Variants in TLR6 observed in about 807,000 individuals in gnomAD.
The protein encoded by TLR6 is toll-like receptor 6.
A neutral mutation model predicts 16.1 loss-of-function variants in TLR6; 9 were observed. That is an observed-to-expected ratio of 0.56 (90% CI 0.34 to 0.98). TLR6 has a LOEUF of 0.98. TLR6 is among the 50% of genes least tolerant of loss of function. The pLI, the probability that TLR6 is intolerant of heterozygous loss-of-function variation, is 0.02. For missense variants in TLR6, 786 were observed against 921.0 expected (o/e 0.85, Z 1.90); for synonymous variants, 340 against 338.6 (o/e 1.00, Z -0.04).
chr4:38,857,881 A>T (rs1713054929), upstream of TLR6, among the ~76,000 whole-genome samples: 1 of 152,348 alleles, frequency 6.6e-6, no homozygotes, highest in South Asian at 2.1e-4. Flanking sequence ...AGAAAGCAGC[A>T]GGTATCTGTG....
intron 1 of TLR6, among the ~76,000 whole-genome samples, chr4:38,837,179 C>T (rs1711971857): frequency 6.6e-6 from 1 of 151,984 alleles, no homozygotes; most frequent in South Asian, 2.1e-4. Context: ...TCTACAGATC[C>T]AATGCAATCC....
intron 1 of TLR6, among the ~76,000 whole-genome samples, chr4:38,845,111 T>C (rs1175779773): frequency 6.6e-6 from 1 of 152,234 alleles, no homozygotes; most frequent in East Asian, 1.9e-4. Context: ...GTGTTCCAGC[T>C]TCCTCTTCTT....
chr4:38,840,895 C>G (rs971574445), intron 1 of TLR6, among the ~76,000 whole-genome samples: 1 of 152,146 alleles, frequency 6.6e-6, no homozygotes, highest in Non-Finnish European at 1.5e-5. Flanking sequence ...CTGAGGAGAA[C>G]AGTGCCCTGA....
the TLR6 span, among the ~76,000 whole-genome samples, chr4:38,864,145 T>G: frequency 2.6e-5 from 4 of 152,232 alleles, no homozygotes; most frequent in Admixed American, 2.6e-4. Flanking sequence ...TTGACCACAG[T>G]TGGTCCTACC....
At chr4:38,868,020 C>A in the TLR6 span, 2 of 419,446 alleles carry the variant, frequency 4.8e-6, no homozygotes, top group Admixed American at 4.9e-5. Flanking sequence ...GGGTCTGGGG[C>A]GGCGCGGCCG....
chr4:38,850,574 A>G (rs1383119780), intron 1 of TLR6, among the ~76,000 whole-genome samples: 3 of 152,226 alleles, frequency 2.0e-5, no homozygotes, highest in Non-Finnish European at 2.9e-5. Flanking sequence ...CAGAAATACA[A>G]ACTACCATCA....
At chr4:38,829,504 T>C in exon 2 of TLR6, 1 of 1,398,130 alleles carries the variant, frequency 7.2e-7, no homozygotes, top group Non-Finnish European at 9.9e-7. Context: ...AAAGGGTTGT[T>C]CTTCTTCAGA....
chr4:38,850,025 C>T (rs1420503459), intron 1 of TLR6, among the ~76,000 whole-genome samples: 3 of 152,212 alleles, frequency 2.0e-5, no homozygotes, highest in Admixed American at 1.3e-4. Context: ...TTATAACAAA[C>T]TGTCTCTCAG....
chr4:38,830,062 C>T (rs1452749515), intron 1 of TLR6, among the ~76,000 whole-genome samples: 1 of 152,194 alleles, frequency 6.6e-6, no homozygotes, highest in African/African-American at 2.4e-5. Context: ...AGGCTGGACG[C>T]ATGTTCAGAG....
At chr4:38,866,492 CA>C in the TLR6 span, among the ~76,000 whole-genome samples, 2 of 150,912 alleles carry the variant, frequency 1.3e-5, no homozygotes, top group African/African-American at 2.4e-5. Context: ...GACTCCATCT[CA>C]AAAAAATGAA....
chr4:38,827,867 T>C, exon 2 of TLR6: 1 of 1,614,244 alleles, frequency 6.2e-7, no homozygotes, highest in East Asian at 2.2e-5. Flanking sequence ...TTCTCTTAGC[T>C]CACAGGTACA....
At chr4:38,868,373 C>G in the TLR6 span, 1 of 152,966 alleles carries the variant, frequency 6.5e-6, no homozygotes, top group African/African-American at 2.4e-5. Context: ...TCCCCGCTCC[C>G]CTCGCCTTAC....
chr4:38,830,597 C>A (rs5743799), intron 1 of TLR6, among the ~76,000 whole-genome samples: 1,907 of 152,142 alleles, frequency 0.013, 52 homozygotes, highest in African/African-American at 0.04. Context: ...TGCCTATAGT[C>A]CCAGCTACTT....
At chr4:38,836,378 C>G (rs1711919138) in intron 1 of TLR6, among the ~76,000 whole-genome samples, 1 of 152,076 alleles carries the variant, frequency 6.6e-6, no homozygotes, top group Admixed American at 6.5e-5. Context: ...GGAAACCCTA[C>G]AGGAAATGTA....
chr4:38,838,927 GGGAA>G (rs1274254263), intron 1 of TLR6, among the ~76,000 whole-genome samples: 42 of 123,246 alleles, frequency 3.4e-4, no homozygotes, highest in Non-Finnish European at 5.5e-4. Context: ...GAGGGAGGGA[GGGAA>G]GGAAGGAAGG....
At chr4:38,860,732 C>A (rs1351838192), upstream of TLR6, among the ~76,000 whole-genome samples, 1 of 152,024 alleles carries the variant, frequency 6.6e-6, no homozygotes, top group Non-Finnish European at 1.5e-5. Flanking sequence ...ATAGCTCAAA[C>A]ACATGGAAAG....
upstream of TLR6, among the ~76,000 whole-genome samples, chr4:38,858,827 G>GGA (rs1229356684): frequency 6.1e-5 from 6 of 98,346 alleles, no homozygotes; most frequent in East Asian, 1.4e-3. Context: ...GAGAGAGAGA[G>GGA]AGAGGAAGAA....
the TLR6 span, among the ~76,000 whole-genome samples, chr4:38,862,136 G>C: frequency 3.3e-5 from 5 of 152,020 alleles, no homozygotes; most frequent in African/African-American, 4.8e-5. Context: ...GCTGTCCTTC[G>C]GAATGAACTC....
downstream of TLR6, among the ~76,000 whole-genome samples, chr4:38,823,297 T>G (rs557750652): frequency 6.6e-6 from 1 of 152,366 alleles, no homozygotes; most frequent in African/African-American, 2.4e-5. Flanking sequence ...CTAAGCATTG[T>G]GTTACAATCA....
Sources: allele counts gnomAD v4.1 joint callset (sites outside exome capture counted in the v4.1 genomes callset), GRCh38; gene constraint gnomAD v4.1.1; transcripts MANE v1.5; gene names NCBI Gene and HGNC (gene_info 2026-07-23, HGNC 2026-07-21).